DNAH6: variants seen among roughly 807,000 people sequenced by gnomAD.
DNAH6 encodes the protein axonemal beta dynein heavy chain 6.
Under a neutral mutation model 491.4 loss-of-function variants are expected in DNAH6, and 340 were observed. The observed-to-expected ratio is 0.69, with a 90% CI of 0.63 to 0.76. The LOEUF is 0.76. Among genes scored for constraint, DNAH6 ranks in the 30% least tolerant of loss-of-function variants. DNAH6 has a pLI of 0.00. For missense variants in DNAH6, 4,443 were observed against 4,972.2 expected, an observed-to-expected ratio of 0.89 and a Z score of 3.20; for synonymous variants, 1,603 against 1,686.1, an observed-to-expected ratio of 0.95 and a Z score of 1.21.
chr2:84,739,886 T>C (rs1672345987), intron 62 of DNAH6, among the ~76,000 whole-genome samples: 1 of 152,194 alleles, frequency 6.6e-6, no homozygotes, highest in African/African-American at 2.4e-5. Flanking sequence ...ATTTCAGACA[T>C]TTCATTCTGG....
chr2:84,696,493 C>T (rs1480131039), intron 46 of DNAH6, among the ~76,000 whole-genome samples: 4 of 151,894 alleles, frequency 2.6e-5, no homozygotes, highest in African/African-American at 4.8e-5. Context: ...TTAGAAACTA[C>T]ACAAATTAGT....
Position 84,595,765 on chromosome 2 carries a change from C to T in DNAH6, c.2844C>T (p.Tyr948=), listed in dbSNP as rs1186398762. The T allele has an allele frequency of 1.3e-6, 2 of 1,544,286 alleles. No homozygotes were observed. The highest frequency in any genetic ancestry group is 1.2e-5 in the South Asian group (1 of 81,642). The change falls in exon 18 of 77, where the codon TAC becomes TAT. Residue 948 remains tyrosine (Y), a synonymous_variant. Coordinates refer to ENST00000389394, the MANE Select transcript of DNAH6 (RefSeq NM_001370.2). ...PPNSVVPQLK[Y]KVEKMKEKLP... ...ACAGTGTAGTGCCCCAGCTCAAATA[C>T]AAGGTGGAAAAAATGAAAGAAAAGG...
chr2:84,475,129 A>G, the DNAH6 span, among the ~76,000 whole-genome samples: 2 of 152,300 alleles, frequency 1.3e-5, no homozygotes, highest in South Asian at 4.1e-4. Flanking sequence ...TTAAATTTAG[A>G]CTAGACCTTC....
chr2:84,686,440 A>G (rs1329008004), intron 43 of DNAH6, 44 bp from the exon 44 acceptor site: 10 of 1,104,434 alleles, frequency 9.1e-6, no homozygotes, highest in Non-Finnish European at 1.3e-5. Context: ...TATTCCATTC[A>G]AGATTATCAT....
chr2:84,625,240 G>A (rs559278588), intron 29 of DNAH6, among the ~76,000 whole-genome samples, 177 bp downstream of exon 29: 30 of 152,100 alleles, frequency 2.0e-4, no homozygotes, highest in Non-Finnish European at 4.4e-4. Context: ...AACACGTGGT[G>A]GTCTGGGTAG....
At chr2:84,491,861 C>T in the DNAH6 span, among the ~76,000 whole-genome samples, 1 of 152,152 alleles carries the variant, frequency 6.6e-6, no homozygotes, top group African/African-American at 2.4e-5. Context: ...AAACAGTACC[C>T]AGGTAAAACT....
At chr2:84,519,232 A>G (rs2104403735) in intron 2 of DNAH6, among the ~76,000 whole-genome samples, 1 of 151,802 alleles carries the variant, frequency 6.6e-6, no homozygotes, top group Admixed American at 6.5e-5. Context: ...CCTCTACTCC[A>G]CTGGGCACCA....
rs1314994961 is a variant in DNAH6 at position 84,611,660 on chromosome 2, T to C, written c.3295-14T>C. 6.5e-7 allele frequency: 1 copy of C among 1,545,054 alleles called. No individual in the cohort carries two copies. ...GGGAATTAAAATTTGACAGTGTCCA[T>C]ATTTTTCTCCTAGGAAGAGTGGCTG... is the stretch of plus-strand genomic sequence containing the variant. On this transcript the variant is annotated splice_polypyrimidine_tract_variant and intron_variant, in intron 21 of 76. Transcript: ENST00000389394.
chr2:84,709,299 G>T (rs1325356026), intron 54 of DNAH6, 44 bp from the exon 55 acceptor site: 1 of 1,543,838 alleles, frequency 6.5e-7, no homozygotes. Flanking sequence ...CTCGTTTACT[G>T]AGTGTTCCTG....
chr2:84,699,639 G>A lies in DNAH6; in HGVS notation c.7723G>A (p.Val2575Ile). Residue 2575 changes from valine to isoleucine, a missense_variant, in exon 48 of 77, where the codon GTT (valine) becomes ATT (isoleucine). Transcript: ENST00000389394. ...CAAAGTGCGTCAGAAGCTGCACATT[G>A]TTCTCTGCATGAGCCCAGTTGGGGA... ...ISKVRQKLHIVLCMSPVGEAF... is the reference protein window; with the variant it reads ...ISKVRQKLHIILCMSPVGEAF... 6.4e-7 allele frequency: 1 copy of A among 1,551,790 alleles called. No homozygotes were observed. Among genetic ancestry groups the A allele is most frequent in the Non-Finnish European group, 8.7e-7 (1 of 1,146,970 alleles).
intron 63 of DNAH6, among the ~76,000 whole-genome samples, chr2:84,751,600 G>T (rs565184290): frequency 1.4e-4 from 22 of 152,282 alleles, no homozygotes; most frequent in African/African-American, 5.1e-4. Flanking sequence ...GGCATCAATA[G>T]TATCAACTTC....
chr2:84,573,812 A>C (rs576243822), intron 12 of DNAH6, among the ~76,000 whole-genome samples: 6 of 152,272 alleles, frequency 3.9e-5, no homozygotes, highest in Non-Finnish European at 7.4e-5. Flanking sequence ...ATGGAAAGCA[A>C]TTCCTTCCTA....
At chr2:84,813,272 C>A in intron 74 of DNAH6, 142 bp downstream of exon 74, 1 of 651,652 alleles carries the variant, frequency 1.5e-6, no homozygotes, top group Non-Finnish European at 2.7e-6. Flanking sequence ...CAAGGTCGTG[C>A]TCTTCCTCAC....
At chr2:84,689,477 C>G (rs1459249280) in intron 45 of DNAH6, among the ~76,000 whole-genome samples, 1 of 152,206 alleles carries the variant, frequency 6.6e-6, no homozygotes, top group Non-Finnish European at 1.5e-5. Flanking sequence ...TCCATATAGT[C>G]TCTCCACTTG....
At position 84,713,141 on chromosome 2, in the gene DNAH6, AAATTT is replaced by A; in HGVS notation, c.9426_9430del (p.Gln3142HisfsTer17). The A allele has an allele frequency of 6.4e-7, 1 of 1,551,788 alleles. No homozygotes were observed. Among genetic ancestry groups the A allele is most frequent in the Admixed American group, 2.0e-5 (1 of 51,008 alleles). On this transcript the variant is annotated frameshift_variant, in exon 57 of 77. Transcript: ENST00000389394. LOFTEE classifies it high-confidence loss of function. ...GCTCTAGAACCCATTCTTTTGAAAC[AAATTT>A]TTATCAGTGGTGGCCGACTACTCAT... is the stretch of plus-strand genomic sequence containing the variant.
intron 47 of DNAH6, among the ~76,000 whole-genome samples, chr2:84,698,121 T>C (rs1695560243): frequency 6.6e-6 from 1 of 152,164 alleles, no homozygotes; most frequent in Admixed American, 6.5e-5. Flanking sequence ...CAGGAATGTG[T>C]TTTCTCTCAC....
Position 84,618,449 on chromosome 2 carries a change from AT to A in DNAH6, c.3573-1234del, listed in dbSNP as rs1279780729. Among the ~76,000 whole-genome samples the A allele has an allele frequency of 2.6e-5, 4 of 152,230 alleles. No homozygotes were observed. In the South Asian group the frequency reaches 8.3e-4, roughly 32 times the overall value. ...TAATCTGAAACCTTACTGGAAAGAG[AT>A]TCTAGAAATGTCATTCCAGCTTTTC... On this transcript the variant is annotated intron_variant, in intron 23 of 76. Transcript: ENST00000389394.
At chr2:84,708,191 A>C (rs951568422) in intron 54 of DNAH6, among the ~76,000 whole-genome samples, 1 of 152,054 alleles carries the variant, frequency 6.6e-6, no homozygotes, top group Non-Finnish European at 1.5e-5. Context: ...TAATCCCAGC[A>C]CTTTGGGAGG....
intron 62 of DNAH6, among the ~76,000 whole-genome samples, chr2:84,734,947 A>G (rs1699414525): frequency 6.6e-6 from 1 of 152,032 alleles, no homozygotes; most frequent in South Asian, 2.1e-4. Context: ...GGTTTGTTAC[A>G]TGGATATATT....
Sources: gnomAD v4.1 joint callset for allele counts (sites outside exome capture counted in the v4.1 genomes callset) on GRCh38, gnomAD v4.1.1 for gene constraint, MANE v1.5 for transcripts, NCBI Gene and HGNC (gene_info 2026-07-23, HGNC 2026-07-21) for gene names.